The following CRYL1 variants were observed in gnomAD, a reference collection of about 807,000 sequenced individuals.
CRYL1 encodes the protein crystallin lambda 1.
Under a neutral mutation model 36.6 loss-of-function variants are expected in CRYL1, and 29 were observed. The ratio of observed to expected loss-of-function variants is 0.79; its 90% CI spans 0.59 to 1.08. CRYL1 has a LOEUF of 1.08. Ranked by LOEUF, CRYL1 falls within the 50% of genes least tolerant of loss-of-function variation. The pLI is 0.00. For synonymous variants in CRYL1, 152 were observed against 151.5 expected (o/e 1.00, Z -0.02); for missense variants, 411 against 407.9 (o/e 1.01, Z -0.06).
At chr13:20,417,092 A>G (rs1201524032) in intron 5 of CRYL1, among the ~76,000 whole-genome samples, 1 of 152,208 alleles carries the variant, frequency 6.6e-6, no homozygotes. Context: ...AAGGACCACA[A>G]GGCATTCAGT....
chr13:20,467,930 T>C (rs561148516), intron 3 of CRYL1, among the ~76,000 whole-genome samples: 20 of 152,310 alleles, frequency 1.3e-4, no homozygotes, highest in South Asian at 8.3e-4. Flanking sequence ...CAGCGTGGCA[T>C]TGGATTCTCA....
intron 3 of CRYL1, 70 bp downstream of exon 3, chr13:20,489,300 T>C: frequency 1.3e-6 from 2 of 1,592,676 alleles, no homozygotes; most frequent in South Asian, 1.1e-5. Flanking sequence ...TATCCTGCCC[T>C]GTTCCTCCGG....
At chr13:20,488,955 A>G (rs375475561) in intron 3 of CRYL1, among the ~76,000 whole-genome samples, 3 of 152,248 alleles carry the variant, frequency 2.0e-5, no homozygotes. Flanking sequence ...TGCAAGTGAA[A>G]GGTTTTCTTT....
chr13:20,416,472 C>A (rs927534277), intron 5 of CRYL1, among the ~76,000 whole-genome samples: 6 of 152,344 alleles, frequency 3.9e-5, no homozygotes, highest in African/African-American at 1.4e-4. Flanking sequence ...TCTCTCCAGG[C>A]TGCTGGAAGG....
intron 1 of CRYL1, among the ~76,000 whole-genome samples, chr13:20,519,749 T>G (rs9509263): frequency 6.6e-6 from 1 of 152,202 alleles, no homozygotes; most frequent in Middle Eastern, 3.4e-3. Context: ...ATCTATAGAT[T>G]GAAAGAGCTA....
At chr13:20,470,338 G>A (rs187502260) in intron 3 of CRYL1, among the ~76,000 whole-genome samples, 26 of 152,314 alleles carry the variant, frequency 1.7e-4, no homozygotes, top group South Asian at 2.1e-4. Context: ...GGCAGCGGCC[G>A]CTGCAGGGAA....
intron 4 of CRYL1, among the ~76,000 whole-genome samples, chr13:20,437,109 C>G (rs1030410707): frequency 6.6e-6 from 1 of 151,854 alleles, no homozygotes; most frequent in Non-Finnish European, 1.5e-5. Context: ...CTGCAGTGAG[C>G]TTTGATGGCA....
intron 3 of CRYL1, among the ~76,000 whole-genome samples, chr13:20,449,049 T>A (rs1421303355): frequency 6.6e-6 from 1 of 152,128 alleles, no homozygotes; most frequent in Non-Finnish European, 1.5e-5. Context: ...ATTCCTGTAA[T>A]CCCAGCTACT....
chr13:20,427,415 G>T, intron 5 of CRYL1: 2 of 488,650 alleles, frequency 4.1e-6, no homozygotes, highest in Non-Finnish European at 5.3e-6. Context: ...AGGTCTAAGG[G>T]CTTACAGAGC....
At chr13:20,494,572 C>A (rs975276146) in intron 2 of CRYL1, among the ~76,000 whole-genome samples, 4 of 152,214 alleles carry the variant, frequency 2.6e-5, no homozygotes, top group Admixed American at 2.0e-4. Context: ...GTCTGAGCGC[C>A]TGATGTGCTC....
At chr13:20,466,682 C>CTGTGTGTGTGTGTGTGTGTG (rs57209647) in intron 3 of CRYL1, among the ~76,000 whole-genome samples, 3,741 of 129,508 alleles carry the variant, frequency 0.029, 170 homozygotes, top group African/African-American at 0.092. Context: ...TTGGAAAACT[C>CTGTGTGTGTGTGTGTGTGTG]TGTGTGTGTG....
chr13:20,508,848 C>CAAAAAAAAAAAA (rs1179533995), intron 2 of CRYL1, among the ~76,000 whole-genome samples: 1 of 10,452 alleles, frequency 9.6e-5, no homozygotes, highest in African/African-American at 3.2e-4. Flanking sequence ...AGCGAGACTC[C>CAAAAAAAAAAAA]AAAAAAAAAA....
intron 5 of CRYL1, among the ~76,000 whole-genome samples, chr13:20,421,649 T>C (rs1285986743): frequency 6.6e-6 from 1 of 152,138 alleles, no homozygotes; most frequent in East Asian, 1.9e-4. Flanking sequence ...CCCCATCCTC[T>C]ACTTCTGGGG....
chr13:20,476,550 A>G (rs749914545), intron 3 of CRYL1, among the ~76,000 whole-genome samples: 1 of 152,202 alleles, frequency 6.6e-6, no homozygotes, highest in Non-Finnish European at 1.5e-5. Context: ...AAATAAACAC[A>G]GCAAGGCAGC....
chr13:20,412,800 C>A (rs1379993448), intron 6 of CRYL1, among the ~76,000 whole-genome samples: 1 of 152,198 alleles, frequency 6.6e-6, no homozygotes, highest in Non-Finnish European at 1.5e-5. Flanking sequence ...CTCCTCAGCT[C>A]CCAGCCTGTG....
chr13:20,475,918 G>C (rs2033157362), intron 3 of CRYL1, among the ~76,000 whole-genome samples: 1 of 152,196 alleles, frequency 6.6e-6, no homozygotes, highest in Admixed American at 6.5e-5. Flanking sequence ...TTAAAGGAAG[G>C]CTGTGTAAGT....
At position 20,481,558 on chromosome 13, in the gene CRYL1, T is replaced by A. The variant is rs933816005; in HGVS notation, c.276+7812A>T. Among the ~76,000 whole-genome samples, 3 of 152,024 alleles carry A rather than the reference T, an allele frequency of 2.0e-5. No individual in the cohort carries two copies. Among genetic ancestry groups the A allele is most frequent in the African/African-American group, 7.2e-5 (3 of 41,386 alleles). ...ACATAGCACTGAACCCTGAAACGAG[T>A]GAATTTTCTTGTATGGAAATTATAT... On this transcript the variant is annotated intron_variant, in intron 3 of 7. Transcript: ENST00000298248. This position sits in a 1 kb window ranked among gnomAD's most constrained non-coding sequence, Gnocchi z 4.1.
At chr13:20,507,760 T>A (rs912937650) in intron 2 of CRYL1, among the ~76,000 whole-genome samples, 32 of 151,268 alleles carry the variant, frequency 2.1e-4, no homozygotes, top group Non-Finnish European at 4.0e-4. Context: ...CTACTAAAAA[T>A]ATAAAAAATT....
chr13:20,501,126 G>A (rs1230135919), intron 2 of CRYL1, among the ~76,000 whole-genome samples: 2 of 152,202 alleles, frequency 1.3e-5, no homozygotes, highest in African/African-American at 4.8e-5. Flanking sequence ...CTCCTTGGCT[G>A]CAGCAGCCGA....
Sources: gnomAD v4.1 joint callset for allele counts (sites outside exome capture counted in the v4.1 genomes callset) on GRCh38, gnomAD v4.1.1 for gene constraint, Gnocchi (gnomAD v3.1) non-coding constraint, MANE v1.5 for transcripts, NCBI Gene and HGNC (gene_info 2026-07-23, HGNC 2026-07-21) for gene names.